The following RAD54B variants were observed in gnomAD, a reference collection of about 807,000 sequenced individuals.
The protein encoded by RAD54B is RAD54 homolog B, also known as DNA repair and recombination protein RAD54B.
RAD54B carries 78 observed loss-of-function variants against 95.8 expected under a neutral mutation model. The ratio of observed to expected loss-of-function variants is 0.81; its 90% CI spans 0.68 to 0.98. RAD54B has a LOEUF of 0.98. RAD54B is among the 50% of genes least tolerant of loss of function. RAD54B has a pLI of 0.00. For synonymous variants in RAD54B, 328 were observed against 354.9 expected (o/e 0.92, Z 0.85); for missense variants, 957 against 1,056.6 (o/e 0.91, Z 1.31).
At chr8:94,395,763 T>C (rs1811128666) in intron 8 of RAD54B, among the ~76,000 whole-genome samples, 1 of 152,154 alleles carries the variant, frequency 6.6e-6, no homozygotes, top group Non-Finnish European at 1.5e-5. Flanking sequence ...TTGGATATCA[T>C]CACATCTAGC....
rs1810948176 is a variant in RAD54B at position 94,388,671 on chromosome 8, G to A, written c.1810-1512C>T. On this transcript the variant is annotated intron_variant, in intron 10 of 14. Coordinates refer to ENST00000336148, the MANE Select transcript of RAD54B (RefSeq NM_012415.3). ...AATCCTATGTGAAATGTATAAAAAT[G>A]CTGGGCACAGAGTACTAATTTTAAT... Among the ~76,000 whole-genome samples the A allele has an allele frequency of 2.0e-5, 3 of 152,206 alleles. No individual in the cohort carries two copies. In the South Asian group the frequency reaches 6.2e-4, roughly 31 times the overall value.
At chr8:94,413,488 G>A (rs1811578719) in intron 3 of RAD54B, among the ~76,000 whole-genome samples, 1 of 152,036 alleles carries the variant, frequency 6.6e-6, no homozygotes, top group Admixed American at 6.6e-5. Flanking sequence ...TAAACCAACT[G>A]GATACACATT....
chr8:94,422,617 AATATATATATATAT>A (rs1166692675), intron 3 of RAD54B, among the ~76,000 whole-genome samples: 59 of 43,572 alleles, frequency 1.4e-3, no homozygotes, highest in East Asian at 2.2e-3. Context: ...AAAAAAAAAA[AATATATATATATAT>A]ATATATATAT....
intron 3 of RAD54B, chr8:94,427,897 A>T (rs1477179910): frequency 2.1e-6 from 2 of 939,060 alleles, no homozygotes; most frequent in South Asian, 4.9e-5. Context: ...ACATTTTCAC[A>T]TAAGTAAAGA....
chr8:94,431,943 C>A (rs1186950405), intron 3 of RAD54B: 3 of 1,260,790 alleles, frequency 2.4e-6, no homozygotes, highest in Non-Finnish European at 3.0e-6. Flanking sequence ...AAAACTATAA[C>A]CATGCCAACC....
chr8:94,412,496 G>A (rs557464620), intron 3 of RAD54B, among the ~76,000 whole-genome samples: 31 of 151,470 alleles, frequency 2.0e-4, no homozygotes, highest in African/African-American at 7.3e-4. Flanking sequence ...TTAAAATTAC[G>A]TTGTCTCCTG....
At chr8:94,420,289 A>ACT (rs59988653) in intron 3 of RAD54B, among the ~76,000 whole-genome samples, 53,693 of 134,134 alleles carry the variant, frequency 0.4, 10,643 homozygotes, top group Admixed American at 0.53. Context: ...ACAGAGTCTC[A>ACT]CTGTCACCCA....
intron 3 of RAD54B, chr8:94,429,539 A>G (rs1812033098): frequency 3.0e-6 from 3 of 984,260 alleles, no homozygotes; most frequent in Non-Finnish European, 3.6e-6. Context: ...CTGAAACTGT[A>G]AAGTGAATTA....
chr8:94,432,571 C>T (rs773621554), intron 3 of RAD54B: 191 of 1,550,170 alleles, frequency 1.2e-4, no homozygotes, highest in Non-Finnish European at 1.6e-4. Context: ...TCTTGCTTCA[C>T]CTCCACTGTA....
chr8:94,401,404 C>G (rs541276188), intron 6 of RAD54B, among the ~76,000 whole-genome samples: 2 of 152,186 alleles, frequency 1.3e-5, no homozygotes, highest in East Asian at 3.9e-4. Context: ...GATCCATTTC[C>G]TCTTAATGAA....
intron 6 of RAD54B, among the ~76,000 whole-genome samples, chr8:94,401,744 A>G (rs1254643563): frequency 1.4e-5 from 2 of 147,956 alleles, no homozygotes; most frequent in African/African-American, 5.3e-5. Flanking sequence ...GGTATAGAGA[A>G]AAAAATTACC....
chr8:94,404,877 G>A (rs1219772293), intron 5 of RAD54B, among the ~76,000 whole-genome samples: 3 of 152,048 alleles, frequency 2.0e-5, no homozygotes, highest in Non-Finnish European at 4.4e-5. Flanking sequence ...GCAGTGGTGT[G>A]ATCTCAGCTC....
chr8:94,403,722 C>G (rs1358168002), intron 6 of RAD54B, among the ~76,000 whole-genome samples: 2 of 151,858 alleles, frequency 1.3e-5, no homozygotes, highest in Non-Finnish European at 2.9e-5. Context: ...AAGCCTCTTT[C>G]ACTTGCTCTT....
chr8:94,428,864 A>G lies in RAD54B; in HGVS notation c.305-17549T>C. 1.0e-5 allele frequency: 10 copies of G among 985,326 alleles called. No individual in the cohort carries two copies. The South Asian group carries it at 3.3e-4, about 32-fold the overall frequency. The allele number at this position is 985,326 out of a possible 1,614,324, so 61.0% of individuals were successfully genotyped here. On this transcript the variant is annotated intron_variant, in intron 3 of 14. Coordinates refer to ENST00000336148, the MANE Select transcript of RAD54B (RefSeq NM_012415.3). ...AAAGTCTCAATACAAAAAAGAAGAAAAAAAAAGGTTTGGTTCCAAATTACC... is the reference window on the plus strand; with the variant it reads ...AAAGTCTCAATACAAAAAAGAAGAAGAAAAAAGGTTTGGTTCCAAATTACC...
intron 3 of RAD54B, among the ~76,000 whole-genome samples, chr8:94,437,618 T>C (rs1412685414): frequency 4.6e-5 from 7 of 152,220 alleles, no homozygotes; most frequent in Non-Finnish European, 8.8e-5. Flanking sequence ...AATCATGTTT[T>C]TAAAGCAATG....
chr8:94,377,748 G>A (rs1444946348), intron 14 of RAD54B, among the ~76,000 whole-genome samples: 1 of 150,648 alleles, frequency 6.6e-6, no homozygotes, highest in African/African-American at 2.4e-5. Context: ...AGGCCGAGGC[G>A]GGCGGATCAC....
At chr8:94,373,164 G>A (rs1365310594) in intron 14 of RAD54B, 3 of 152,162 alleles carry the variant, frequency 2.0e-5, no homozygotes, top group African/African-American at 7.2e-5. Flanking sequence ...TGAAAAGGAA[G>A]GGACACTGGC....
chr8:94,398,660 T>C (rs1811199404), intron 8 of RAD54B, among the ~76,000 whole-genome samples: 1 of 152,082 alleles, frequency 6.6e-6, no homozygotes, highest in Admixed American at 6.6e-5. Context: ...TAAATATTAG[T>C]AATGAATACA....
At chr8:94,449,790 G>A (rs867789383) in intron 3 of RAD54B, among the ~76,000 whole-genome samples, 3 of 151,998 alleles carry the variant, frequency 2.0e-5, no homozygotes, top group South Asian at 4.2e-4. Context: ...GTACCTTTAG[G>A]ACCTTTTTTA....
Sources: allele counts gnomAD v4.1 joint callset (sites outside exome capture counted in the v4.1 genomes callset), GRCh38; gene constraint gnomAD v4.1.1; transcripts MANE v1.5; gene names NCBI Gene and HGNC (gene_info 2026-07-23, HGNC 2026-07-21).